Variants in RBFOX1 observed in about 807,000 individuals in gnomAD.
The protein encoded by RBFOX1 is RNA binding fox-1 homolog 1, also known as RNA binding protein fox-1 homolog 1.
In RBFOX1, 8 loss-of-function variants were observed where a neutral mutation model predicts 57.7. That is an observed-to-expected ratio of 0.14 (90% CI 0.08 to 0.25). The LOEUF (loss-of-function observed/expected upper bound fraction) is 0.25. RBFOX1 is among the 10% of genes least tolerant of loss of function. RBFOX1 has a pLI of 1.00. For synonymous variants in RBFOX1, 326 were observed against 222.4 expected (o/e 1.47, Z -4.15); for missense variants, 611 against 548.5 (o/e 1.11, Z -1.14).
At chr16:5,373,599 G>A (rs983309735) in intron 1 of RBFOX1, among the ~76,000 whole-genome samples, 1 of 151,066 alleles carries the variant, frequency 6.6e-6, no homozygotes, top group Non-Finnish European at 1.5e-5. Flanking sequence ...CCAGTTAAAC[G>A]TCTTTTCTTT....
At chr16:6,292,991 A>G (rs144639103) in intron 1 of RBFOX1, among the ~76,000 whole-genome samples, 77 of 152,268 alleles carry the variant, frequency 5.1e-4, no homozygotes, top group East Asian at 2.5e-3. Flanking sequence ...CAGGGTACTT[A>G]CAATTTCCTT....
chr16:6,489,853 T>C (rs2095592031), intron 2 of RBFOX1, among the ~76,000 whole-genome samples: 1 of 152,224 alleles, frequency 6.6e-6, no homozygotes, highest in Admixed American at 6.5e-5. Flanking sequence ...AACACTAATG[T>C]ACAGGAGGGC....
At chr16:7,231,772 C>G (rs938083103) in intron 4 of RBFOX1, among the ~76,000 whole-genome samples, 1 of 152,194 alleles carries the variant, frequency 6.6e-6, no homozygotes, top group East Asian at 1.9e-4. Flanking sequence ...ACCTCAAAAA[C>G]ACTGTGGTAA....
intron 4 of RBFOX1, among the ~76,000 whole-genome samples, chr16:5,967,021 C>G (rs1372489080): frequency 1.5e-5 from 2 of 136,494 alleles, no homozygotes; most frequent in African/African-American, 2.7e-5. Context: ...AATGATAGCT[C>G]AGGTGCCACC....
chr16:7,047,288 C>G (rs553132078), intron 3 of RBFOX1, among the ~76,000 whole-genome samples: 86 of 152,214 alleles, frequency 5.6e-4, no homozygotes, highest in Admixed American at 1.2e-3. Flanking sequence ...ACCTTCATTT[C>G]TAAAGGATAT....
intron 4 of RBFOX1, among the ~76,000 whole-genome samples, chr16:7,109,006 A>G (rs568480812): frequency 6.6e-6 from 1 of 152,180 alleles, no homozygotes; most frequent in Admixed American, 6.6e-5. Context: ...TGTCAATGGG[A>G]TGGAAAAGAG....
intron 2 of RBFOX1, among the ~76,000 whole-genome samples, chr16:6,451,749 G>C (rs1446252088): frequency 6.6e-6 from 1 of 152,174 alleles, no homozygotes; most frequent in East Asian, 1.9e-4. Context: ...AGCACATACA[G>C]TATTATGAGC....
intron 4 of RBFOX1, among the ~76,000 whole-genome samples, chr16:5,908,983 G>T (rs1358287490): frequency 4.0e-5 from 6 of 151,648 alleles, no homozygotes; most frequent in African/African-American, 1.5e-4. Flanking sequence ...CTAGAGACTT[G>T]ATCTTGGGCT....
intron 2 of RBFOX1, among the ~76,000 whole-genome samples, chr16:6,575,333 A>G (rs994247768): frequency 6.6e-6 from 1 of 152,160 alleles, no homozygotes; most frequent in Non-Finnish European, 1.5e-5. Context: ...TCAAATTTAA[A>G]TGGATACTAA....
intron 1 of RBFOX1, among the ~76,000 whole-genome samples, chr16:6,275,573 G>A (rs2075716546): frequency 6.6e-6 from 1 of 152,132 alleles, no homozygotes; most frequent in Non-Finnish European, 1.5e-5. Flanking sequence ...GCTTGATATG[G>A]TAGACATGGG....
chr16:6,040,525 C>G (rs2095424518), intron 1 of RBFOX1, among the ~76,000 whole-genome samples: 1 of 152,146 alleles, frequency 6.6e-6, no homozygotes, highest in Non-Finnish European at 1.5e-5. Context: ...TGCGTGGAAG[C>G]AAGTGTGAGG....
At chr16:7,229,310 A>G (rs1310916384) in intron 4 of RBFOX1, among the ~76,000 whole-genome samples, 5 of 152,166 alleles carry the variant, frequency 3.3e-5, no homozygotes, top group East Asian at 1.9e-4. Flanking sequence ...AGATGGCCCA[A>G]ATTTCCTTTA....
chr16:6,875,114 T>A (rs1218632243), intron 3 of RBFOX1, among the ~76,000 whole-genome samples: 1 of 152,176 alleles, frequency 6.6e-6, no homozygotes, highest in African/African-American at 2.4e-5. Flanking sequence ...CAATTGACTG[T>A]GTTACCCTAA....
intron 4 of RBFOX1, among the ~76,000 whole-genome samples, chr16:7,499,156 G>C (rs1347693241): frequency 6.6e-6 from 1 of 152,104 alleles, no homozygotes; most frequent in Non-Finnish European, 1.5e-5. Context: ...TGAGACAAAG[G>C]TGTGGATAGG....
rs1403162473 is a variant in RBFOX1 at position 5,946,270 on chromosome 16, G to C, written c.351+78935G>C. 6.6e-6 allele frequency among the ~76,000 whole-genome samples: 1 copy of C among 152,158 alleles called. No individual in the cohort carries two copies. The highest frequency in any genetic ancestry group is 2.4e-5 in the African/African-American group (1 of 41,438). On this transcript the variant is annotated intron_variant, in intron 4 of 19. Transcript: ENST00000641259. This position sits in a 1 kb window ranked among gnomAD's most constrained non-coding sequence, Gnocchi z 4.6. The stretch of plus-strand genomic sequence containing the variant: ...AGTCTCAGCTTTCTAATCTGTAAAA[G>C]GGACACAATCATAGGACCTCCCTCA...
intron 14 of RBFOX1, among the ~76,000 whole-genome samples, chr16:7,684,219 AT>A (rs1230491956): frequency 1.3e-5 from 2 of 152,070 alleles, no homozygotes; most frequent in African/African-American, 4.8e-5. Flanking sequence ...GAAATGACTT[AT>A]GGCTTCCTTG....
At chr16:5,687,314 G>A (rs1032780853) in intron 3 of RBFOX1, among the ~76,000 whole-genome samples, 16 of 152,182 alleles carry the variant, frequency 1.1e-4, no homozygotes, top group Middle Eastern at 3.4e-3. Flanking sequence ...TGTGTGGACC[G>A]AGAGAGACAA....
At chr16:5,920,619 C>T (rs1329613068) in intron 4 of RBFOX1, among the ~76,000 whole-genome samples, 1 of 152,098 alleles carries the variant, frequency 6.6e-6, no homozygotes, top group Non-Finnish European at 1.5e-5. Flanking sequence ...GAGGAAGCAC[C>T]CTTCCAGGGA....
chr16:6,005,364 G>A (rs956392019), intron 4 of RBFOX1, among the ~76,000 whole-genome samples: 1 of 152,198 alleles, frequency 6.6e-6, no homozygotes, highest in Non-Finnish European at 1.5e-5. Context: ...GCCAATGTTT[G>A]TTGAGCATCT....
Sources: gnomAD v4.1 joint callset for allele counts (sites outside exome capture counted in the v4.1 genomes callset) on GRCh38, gnomAD v4.1.1 for gene constraint, Gnocchi (gnomAD v3.1) non-coding constraint, MANE v1.5 for transcripts, NCBI Gene and HGNC (gene_info 2026-07-23, HGNC 2026-07-21) for gene names.